The following AGGF1 variants were observed in gnomAD, a reference collection of about 807,000 sequenced individuals.
AGGF1 encodes angiogenic factor with G patch and FHA domains 1.
Under a neutral mutation model 86.5 loss-of-function variants are expected in AGGF1, and 56 were observed. The ratio of observed to expected loss-of-function variants is 0.65; its 90% CI spans 0.52 to 0.81. The LOEUF (loss-of-function observed/expected upper bound fraction) is 0.81, where lower values mean the gene tolerates loss of function less well. AGGF1 is among the 30% of genes least tolerant of loss of function. AGGF1 has a pLI of 0.00. For missense variants in AGGF1, 816 were observed against 850.9 expected, an observed-to-expected ratio of 0.96 and a Z score of 0.51; for synonymous variants, 313 against 297.1, an observed-to-expected ratio of 1.05 and a Z score of -0.55.
chr5:77,052,844 A>G, intron 9 of AGGF1, 37 bp downstream of exon 9: 1 of 1,488,744 alleles, frequency 6.7e-7, no homozygotes, highest in Non-Finnish European at 9.4e-7. Flanking sequence ...CCTGCACATT[A>G]TTTTTAAACT....
chr5:77,062,475 G>C (rs1244574053), intron 13 of AGGF1, among the ~76,000 whole-genome samples: 3 of 152,094 alleles, frequency 2.0e-5, no homozygotes, highest in Non-Finnish European at 1.5e-5. Context: ...ATGTGGCTTT[G>C]GGCAAGTTTG....
At position 77,064,756 on chromosome 5, in the gene AGGF1, C is replaced by T. The variant is rs751554497; in HGVS notation, c.*1504C>T. 1.3e-5 allele frequency: 2 copies of T among 152,228 alleles called. No individual in the cohort carries two copies. The highest frequency in any genetic ancestry group is 2.4e-5 in the African/African-American group (1 of 41,450). The allele number at this position is 152,228 out of a possible 1,614,324, so 9.4% of individuals were successfully genotyped here. A position where few individuals can be genotyped will look rare whatever the true frequency, so the allele number is the denominator to read the frequency against. On this transcript the variant is annotated 3_prime_UTR_variant, in exon 14 of 14. Transcript: ENST00000312916. ...AAAAAGTATTAGTCTAAATGTGGTTCTGGTGCTGGTGCCCTGTATATATGT... is the reference window on the plus strand; with the variant it reads ...AAAAAGTATTAGTCTAAATGTGGTTTTGGTGCTGGTGCCCTGTATATATGT...
chr5:77,043,845 G>C, intron 5 of AGGF1, among the ~76,000 whole-genome samples: 1 of 122,330 alleles, frequency 8.2e-6, no homozygotes, highest in Non-Finnish European at 1.8e-5. Context: ...CAGGCAGAGG[G>C]TCTCCTCACT....
In AGGF1 at chr5:77,030,981, G is replaced by C. The variant is rs745324386; in HGVS notation, c.210+5G>C. ...AACCAGGAGCTCCGCACGCAGGTGC[G>C]CGGTCCTCCTCAGCCCCGCGCCCCA... On this transcript the variant is annotated splice_donor_5th_base_variant and intron_variant, in intron 1 of 13. Coordinates refer to ENST00000312916, the MANE Select transcript of AGGF1 (RefSeq NM_018046.5). 1 of 1,611,436 alleles carries C rather than the reference G, an allele frequency of 6.2e-7. No individual in the cohort carries two copies. The highest frequency in any genetic ancestry group is 1.3e-5 in the African/African-American group (1 of 75,072).
At chr5:77,049,284 C>T (rs1421368825) in intron 8 of AGGF1, among the ~76,000 whole-genome samples, 2 of 152,116 alleles carry the variant, frequency 1.3e-5, no homozygotes, top group Non-Finnish European at 2.9e-5. Flanking sequence ...AAATAGGCTA[C>T]ATTTTATGAC....
chr5:77,055,577 G>A lies in AGGF1; in HGVS notation c.1697G>A (p.Arg566Gln), dbSNP rs751143437. The A allele has an allele frequency of 2.5e-6, 4 of 1,592,472 alleles. No individual in the cohort carries two copies. Among genetic ancestry groups the A allele is most frequent in the East Asian group, 4.5e-5 (2 of 44,556 alleles). The change falls in exon 11 of 14, where the codon CGA (arginine) becomes CAA (glutamine). Residue 566 changes from arginine (R) to glutamine (Q), a missense_variant. Around this residue, in one of 3 missense-constraint regions of AGGF1, gnomAD observed 565 missense variants for 585.8 expected, o/e 0.96. Transcript: ENST00000312916. The stretch of plus-strand genomic sequence containing the variant: ...AGAAGAAAAGAATTAAAGAAAATAC[G>A]AGTAAAATATGGTTTACAGGTGAGG... The part of the protein sequence containing the change: ...LERRKELKKI[R>Q]VKYGLQNTEY...
rs1291411426 is a variant in AGGF1 at position 77,046,483 on chromosome 5, C to T, written c.1007C>T (p.Pro336Leu). Residue 336 changes from proline (P) to leucine (L), a missense_variant, in exon 6 of 14, where the codon CCA becomes CTA. By Grantham distance (98) the Pro-to-Leu change is moderately conservative. Coordinates refer to ENST00000312916, the MANE Select transcript of AGGF1 (RefSeq NM_018046.5). The part of the protein sequence containing the change: ...HKNSPPKVTV[P>L]TSGNTIESPL... Reference sequence around the variant, plus strand: ...AATAGTCCCCCCAAAGTCACTGTTCCAACTAGTGGAAATACTATAGAGTCT... The same window carrying T: ...AATAGTCCCCCCAAAGTCACTGTTCTAACTAGTGGAAATACTATAGAGTCT... The T allele has an allele frequency of 1.2e-6, 2 of 1,613,982 alleles. No homozygotes were observed. The highest frequency in any genetic ancestry group is 1.7e-6 in the Non-Finnish European group (2 of 1,179,956).
chr5:77,054,856 A>T (rs1488141595), intron 10 of AGGF1, among the ~76,000 whole-genome samples: 2 of 152,190 alleles, frequency 1.3e-5, no homozygotes, highest in African/African-American at 4.8e-5. Context: ...TAATAAGCCA[A>T]GGCATGAAGG....
intron 5 of AGGF1, among the ~76,000 whole-genome samples, chr5:77,044,322 T>A (rs1187504119): frequency 1.3e-5 from 2 of 152,148 alleles, no homozygotes; most frequent in Non-Finnish European, 2.9e-5. Context: ...TTAAGAAAAA[T>A]CCTGTTGGAA....
At chr5:77,031,495 T>C (rs1306473766) in intron 1 of AGGF1, among the ~76,000 whole-genome samples, 2 of 152,238 alleles carry the variant, frequency 1.3e-5, no homozygotes, top group Non-Finnish European at 2.9e-5. Flanking sequence ...TCGGCTTTCT[T>C]GTGTAAGTAG....
rs547612577 is a variant in AGGF1 at position 77,064,112 on chromosome 5, C to T, written c.*860C>T. The T allele has an allele frequency of 1.2e-4, 18 of 152,582 alleles. No homozygotes were observed. The highest frequency in any genetic ancestry group is 1.1e-3 in the Admixed American group (17 of 15,290). The allele number at this position is 152,582 out of a possible 1,614,324, so 9.5% of individuals were successfully genotyped here. A position where few individuals can be genotyped will look rare whatever the true frequency, so the allele number is the denominator to read the frequency against. ...ACATGAAAAAGAGTGATTTTTTGAA[C>T]CGGTGATTTAAATGTATTGATCTGC... On this transcript the variant is annotated 3_prime_UTR_variant, in exon 14 of 14. Coordinates refer to ENST00000312916, the MANE Select transcript of AGGF1 (RefSeq NM_018046.5).
At chr5:77,056,619 T>C (rs562412618) in intron 11 of AGGF1, among the ~76,000 whole-genome samples, 1 of 151,576 alleles carries the variant, frequency 6.6e-6, no homozygotes, top group Non-Finnish European at 1.5e-5. Context: ...GATCCATACC[T>C]TGAACCATCT....
At chr5:77,037,244 T>C (rs189991357) in intron 4 of AGGF1, among the ~76,000 whole-genome samples, 16 of 152,312 alleles carry the variant, frequency 1.1e-4, no homozygotes, top group Admixed American at 3.3e-4. Context: ...CTTTTGTTAA[T>C]AAAAGCAGAT....
At position 77,048,281 on chromosome 5, in the gene AGGF1, G is replaced by A; in HGVS notation, c.1313+9G>A. 1.3e-6 allele frequency: 2 copies of A among 1,541,178 alleles called. No individual in the cohort carries two copies. Among genetic ancestry groups the A allele is most frequent in the Non-Finnish European group, 1.8e-6 (2 of 1,114,744 alleles). The stretch of plus-strand genomic sequence containing the variant: ...CCTGCTACAATTGGAAGGTAAAATG[G>A]TTAATATTATTATATCATTCTTTCA... On this transcript the variant is annotated intron_variant, in intron 7 of 13. Coordinates refer to ENST00000312916, the MANE Select transcript of AGGF1 (RefSeq NM_018046.5).
chr5:77,042,540 C>T (rs1381331244), intron 5 of AGGF1, among the ~76,000 whole-genome samples: 2 of 63,938 alleles, frequency 3.1e-5, no homozygotes, highest in African/African-American at 4.7e-5. Flanking sequence ...CGGGCAGAGG[C>T]GCCCCTCACC....
intron 8 of AGGF1, among the ~76,000 whole-genome samples, chr5:77,050,809 TTATG>T (rs1205007946): frequency 6.6e-6 from 1 of 152,184 alleles, no homozygotes; most frequent in Admixed American, 6.5e-5. Context: ...TCATGCAAAT[TTATG>T]TTTTCAAACT....
chr5:77,043,886 C>T (rs1349236179), intron 5 of AGGF1, among the ~76,000 whole-genome samples: 4 of 142,196 alleles, frequency 2.8e-5, no homozygotes, highest in African/African-American at 7.8e-5. Flanking sequence ...CAGAGACGCT[C>T]GTCACCTCCC....
intron 6 of AGGF1, among the ~76,000 whole-genome samples, chr5:77,047,432 T>A (rs1747289314): frequency 6.6e-6 from 1 of 152,188 alleles, no homozygotes. Context: ...TGAGGAGGGA[T>A]CTTGGAACTA....
chr5:77,036,881 G>A (rs534871122), intron 4 of AGGF1, among the ~76,000 whole-genome samples, 161 bp downstream of exon 4: 1 of 152,252 alleles, frequency 6.6e-6, no homozygotes, highest in East Asian at 1.9e-4. Context: ...GGGATTACAG[G>A]CATGCACCAC....
Sources: allele counts gnomAD v4.1 joint callset (sites outside exome capture counted in the v4.1 genomes callset), GRCh38; gene constraint gnomAD v4.1.1; regional missense constraint gnomAD v4.1.1; transcripts MANE v1.5; gene names NCBI Gene and HGNC (gene_info 2026-07-23, HGNC 2026-07-21).